The following MILR1 variants were observed in gnomAD, a reference collection of about 807,000 sequenced individuals.
MILR1 encodes the protein mast cell immunoglobulin like receptor 1.
In MILR1, 31 loss-of-function variants were observed where a neutral mutation model predicts 18.5. That is an observed-to-expected ratio of 1.68 (90% CI 1.26 to 2.26). MILR1 has a LOEUF of 2.26. MILR1 is among the 30% of genes most tolerant of loss of function. MILR1 has a pLI of 0.00. For missense variants in MILR1, 257 were observed against 157.4 expected (o/e 1.63, Z -3.38); for synonymous variants, 85 against 56.2 (o/e 1.51, Z -2.30).
At chr17:64,478,058 T>C in the MILR1 span, 1 of 1,504,210 alleles carries the variant, frequency 6.6e-7, no homozygotes, top group East Asian at 2.3e-5. Context: ...CGTTGCCAGC[T>C]GTAATTCAGT....
At chr17:64,466,036 T>C (rs1185960873) in intron 6 of MILR1, among the ~76,000 whole-genome samples, 1 of 152,176 alleles carries the variant, frequency 6.6e-6, no homozygotes, top group Non-Finnish European at 1.5e-5. Flanking sequence ...TCCGCAGGGC[T>C]TGGGAGGCCT....
At chr17:64,496,074 T>A in the MILR1 span, among the ~76,000 whole-genome samples, 1 of 152,220 alleles carries the variant, frequency 6.6e-6, no homozygotes, top group Non-Finnish European at 1.5e-5. Flanking sequence ...TTACTTAGAA[T>A]AAATCTAAGA....
intron 5 of MILR1, among the ~76,000 whole-genome samples, 164 bp from the exon 6 acceptor site, chr17:64,465,288 T>A (rs1431867996): frequency 1.3e-5 from 2 of 152,200 alleles, no homozygotes; most frequent in Admixed American, 1.3e-4. Context: ...GTGTCTAGAC[T>A]CCCTGTTGAG....
rs1274661239 is a variant in MILR1, at chr17:64,468,438, G to A, written c.*157G>A. ...CGAGTAGCTGGGATTACAGGTGCCC[G>A]CTACCACGCCCAGCTAATTTTTGTA... On this transcript the variant is annotated 3_prime_UTR_variant, in exon 10 of 10. Transcript: ENST00000619286. 7 of 380,816 alleles carry A rather than the reference G, an allele frequency of 1.8e-5. No homozygotes were observed. Among genetic ancestry groups the A allele is most frequent in the East Asian group, 7.7e-5 (1 of 12,984 alleles). The allele number at this position is 380,816 out of a possible 1,614,324, so 23.6% of individuals were successfully genotyped here. A position where few individuals can be genotyped will look rare whatever the true frequency, so the allele number is the denominator to read the frequency against.
the MILR1 span, chr17:64,491,873 C>A: frequency 3.9e-6 from 1 of 257,972 alleles, no homozygotes; most frequent in Non-Finnish European, 7.4e-6. Context: ...TTGCTGAATC[C>A]TTTCATATCC....
the MILR1 span, among the ~76,000 whole-genome samples, chr17:64,479,618 A>G: frequency 6.6e-6 from 1 of 152,242 alleles, no homozygotes; most frequent in Non-Finnish European, 1.5e-5. Context: ...TTTAAAAACA[A>G]CAATTAATGA....
chr17:64,481,762 C>G, the MILR1 span, among the ~76,000 whole-genome samples: 1 of 151,968 alleles, frequency 6.6e-6, no homozygotes, highest in South Asian at 2.1e-4. Context: ...GTAATCCCAT[C>G]TACTAGGGAG....
the MILR1 span, chr17:64,491,446 G>C: frequency 5.8e-6 from 5 of 860,984 alleles, no homozygotes; most frequent in Middle Eastern, 1.9e-3. Flanking sequence ...AATAAAAGAA[G>C]TTGCAGTGAG....
intron 3 of MILR1, among the ~76,000 whole-genome samples, chr17:64,456,669 G>T (rs1291328224): frequency 1.3e-5 from 2 of 152,024 alleles, no homozygotes; most frequent in Non-Finnish European, 2.9e-5. Flanking sequence ...AAATTAGCCA[G>T]CAGTGTGCAC....
At chr17:64,460,289 G>A (rs1188988985) in intron 4 of MILR1, among the ~76,000 whole-genome samples, 2 of 152,108 alleles carry the variant, frequency 1.3e-5, no homozygotes, top group East Asian at 1.9e-4. Flanking sequence ...GCCTCCCAGA[G>A]TGCTAGGATT....
chr17:64,462,869 G>A (rs2037463987), intron 5 of MILR1, among the ~76,000 whole-genome samples: 1 of 151,796 alleles, frequency 6.6e-6, no homozygotes, highest in South Asian at 2.1e-4. Flanking sequence ...CAGGTGATCT[G>A]CTCGCCTCAG....
At chr17:64,478,845 C>T in the MILR1 span, among the ~76,000 whole-genome samples, 10 of 151,910 alleles carry the variant, frequency 6.6e-5, no homozygotes, top group Non-Finnish European at 1.5e-4. Flanking sequence ...TGCACTAAGC[C>T]GAGATCACGC....
At chr17:64,467,935 C>CAAAAA (rs112297771) in intron 9 of MILR1, 39 of 159,020 alleles carry the variant, frequency 2.5e-4, no homozygotes, top group Middle Eastern at 5.7e-3. Flanking sequence ...GACTTCATCT[C>CAAAAA]AAAAAAAAAA....
At chr17:64,466,983 T>C (rs1240721709) in intron 8 of MILR1, among the ~76,000 whole-genome samples, 7 of 151,948 alleles carry the variant, frequency 4.6e-5, no homozygotes, top group African/African-American at 1.7e-4. Flanking sequence ...CTTTCTTTCT[T>C]TCTCTTTCTG....
chr17:64,487,821 G>C, the MILR1 span, among the ~76,000 whole-genome samples: 3 of 151,958 alleles, frequency 2.0e-5, no homozygotes, highest in Non-Finnish European at 4.4e-5. Flanking sequence ...GGGCAACATG[G>C]CAAGATCCCA....
chr17:64,475,020 T>G, the MILR1 span, among the ~76,000 whole-genome samples: 2 of 149,358 alleles, frequency 1.3e-5, no homozygotes, highest in Admixed American at 6.7e-5. Flanking sequence ...ATGGTGAAAC[T>G]TTACTAAAAA....
chr17:64,492,937 T>G, the MILR1 span: 1 of 1,614,102 alleles, frequency 6.2e-7, no homozygotes, highest in Admixed American at 1.7e-5. Context: ...AAAAACAGGA[T>G]GAAAACACAC....
the MILR1 span, among the ~76,000 whole-genome samples, chr17:64,494,866 G>A: frequency 6.6e-6 from 1 of 152,088 alleles, no homozygotes; most frequent in East Asian, 1.9e-4. Flanking sequence ...CCCAGTACTG[G>A]TTCATCTTAG....
chr17:64,454,689 T>C (rs2037251419), intron 3 of MILR1, among the ~76,000 whole-genome samples: 1 of 152,192 alleles, frequency 6.6e-6, no homozygotes, highest in Non-Finnish European at 1.5e-5. Flanking sequence ...TGCTACGGAC[T>C]CCAGGTTAGA....
Sources: gnomAD v4.1 joint callset for allele counts (sites outside exome capture counted in the v4.1 genomes callset) on GRCh38, gnomAD v4.1.1 for gene constraint, MANE v1.5 for transcripts, NCBI Gene and HGNC (gene_info 2026-07-23, HGNC 2026-07-21) for gene names.